Variants in BIRC6 observed in about 807,000 individuals in gnomAD.
BIRC6 encodes dual E2 ubiquitin-conjugating enzyme/E3 ubiquitin-protein ligase BIRC6.
BIRC6 carries 98 observed loss-of-function variants against 503.3 expected under a neutral mutation model. The ratio of observed to expected loss-of-function variants is 0.19; its 90% CI spans 0.17 to 0.23. BIRC6 has a LOEUF of 0.23. BIRC6 is among the 10% of genes least tolerant of loss of function. BIRC6 has a pLI of 1.00. For synonymous variants in BIRC6, 2,240 were observed against 2,078.7 expected (o/e 1.08, Z -2.11); for missense variants, 5,360 against 5,806.0 (o/e 0.92, Z 2.50).
At chr2:32,387,746 G>C (rs547409929) in intron 3 of BIRC6, among the ~76,000 whole-genome samples, 3 of 152,124 alleles carry the variant, frequency 2.0e-5, no homozygotes, top group Non-Finnish European at 4.4e-5. Context: ...TATGGATGGA[G>C]GTATTTGAGT....
At position 32,545,758 on chromosome 2, in the gene BIRC6, G is replaced by C. The variant is rs1313402558; in HGVS notation, c.12708G>C (p.Arg4236=). The C allele has an allele frequency of 6.2e-7, 1 of 1,613,820 alleles. No individual in the cohort carries two copies. Among genetic ancestry groups the C allele is most frequent in the Admixed American group, 1.7e-5 (1 of 60,018 alleles). The change falls in exon 63 of 74, where the codon CGG becomes CGC. Residue 4236 remains arginine (R), a synonymous_variant. Coordinates refer to ENST00000421745, the MANE Select transcript of BIRC6 (RefSeq NM_016252.4). ...CTGATGATGGTGTACTTCTAAGGCG[G>C]ATGGCATTGGAAATTGGAGCCTTAC... ...LTTDDGVLLR[R]MALEIGALHL... is the part of the protein sequence containing the mutation.
In BIRC6 at chr2:32,442,469, T is replaced by G; in HGVS notation, c.4238+14T>G. 6.3e-7 allele frequency: 1 copy of G among 1,586,368 alleles called. No individual in the cohort carries two copies. Among genetic ancestry groups the G allele is most frequent in the Non-Finnish European group, 8.6e-7 (1 of 1,165,928 alleles). On this transcript the variant is annotated intron_variant, in intron 19 of 73. Transcript: ENST00000421745. Reference sequence around the variant, plus strand: ...CTTGTGCATTAGGTTGGTATGTTTTTAAGTTGAAAGCATACTTTCTAGGTA... The same window carrying G: ...CTTGTGCATTAGGTTGGTATGTTTTGAAGTTGAAAGCATACTTTCTAGGTA...
chr2:32,469,517 C>G lies in BIRC6; in HGVS notation c.6250C>G (p.Gln2084Glu), dbSNP rs751950847. ...IRLHTGLLLV[Q>E]LCGGERWWGQ... ...GTTACATACTGGTCTTCTTCTTGTT[C>G]AACTGTGTGGTGGTGAAAGGTGGTG... The change falls in exon 30 of 74, where the codon CAA becomes GAA. Residue 2084 changes from glutamine (Q) to glutamate (E), a missense_variant. Transcript: ENST00000421745. The G allele has an allele frequency of 6.2e-7, 1 of 1,613,890 alleles. No individual in the cohort carries two copies. The highest frequency in any genetic ancestry group is 2.2e-5 in the East Asian group (1 of 44,874).
In BIRC6 at chr2:32,473,137, T is replaced by A; in HGVS notation, c.6618T>A (p.Asn2206Lys). ...LNGNQWSFIN[N>K]NLHTQSLNRS... ...GTAATCAGTGGAGTTTTATTAACAA[T>A]AATCTACACACTCAGAGCTTAAATA... is the stretch of plus-strand genomic sequence containing the variant. Residue 2206 changes from asparagine (N) to lysine (K), a missense_variant, in exon 33 of 74, where the codon AAT (asparagine) becomes AAA (lysine). Physicochemically the swap from Asn to Lys is moderately conservative, Grantham distance 94 (BLOSUM62 0). Coordinates refer to ENST00000421745, the MANE Select transcript of BIRC6 (RefSeq NM_016252.4). 1 of 1,579,070 alleles carries A rather than the reference T, an allele frequency of 6.3e-7. No homozygotes were observed. Among genetic ancestry groups the A allele is most frequent in the Admixed American group, 1.8e-5 (1 of 55,224 alleles).
chr2:32,494,485 C>CG (rs1176731600), intron 45 of BIRC6, among the ~76,000 whole-genome samples: 3 of 151,992 alleles, frequency 2.0e-5, no homozygotes, highest in Non-Finnish European at 4.4e-5. Context: ...CTCAGCCTCC[C>CG]AAAGTGCTGG....
chr2:32,495,466 G>A (rs1458756920), intron 45 of BIRC6, among the ~76,000 whole-genome samples: 1 of 152,110 alleles, frequency 6.6e-6, no homozygotes. Flanking sequence ...TTAGATTAAT[G>A]ATATAATAAT....
chr2:32,431,187 T>A, intron 12 of BIRC6, 97 bp downstream of exon 12: 1 of 385,340 alleles, frequency 2.6e-6, no homozygotes, highest in Non-Finnish European at 4.0e-6. Context: ...TTATCTTTTT[T>A]TTTTTTTTTT....
chr2:32,394,567 C>A (rs1313073708), intron 5 of BIRC6, among the ~76,000 whole-genome samples: 5 of 152,068 alleles, frequency 3.3e-5, no homozygotes, highest in African/African-American at 9.7e-5. Flanking sequence ...TGCAGTGGCT[C>A]ACACTTGTAA....
chr2:32,360,626 C>T (rs778923376), intron 1 of BIRC6, among the ~76,000 whole-genome samples: 6 of 152,154 alleles, frequency 3.9e-5, no homozygotes, highest in Non-Finnish European at 7.3e-5. Context: ...AGACCTAGAG[C>T]GTATCTTAAC....
chr2:32,368,790 T>C (rs1446794801), intron 1 of BIRC6, among the ~76,000 whole-genome samples: 1 of 152,088 alleles, frequency 6.6e-6, no homozygotes, highest in African/African-American at 2.4e-5. Flanking sequence ...CAGCTGGGAT[T>C]ACAGGTGTGT....
chr2:32,434,128 A>G (rs2044425676), intron 13 of BIRC6, among the ~76,000 whole-genome samples: 1 of 152,202 alleles, frequency 6.6e-6, no homozygotes, highest in Admixed American at 6.5e-5. Context: ...TTAATTGTGA[A>G]TAGAACTGTT....
At chr2:32,425,002 A>C (rs2147788817) in intron 10 of BIRC6, among the ~76,000 whole-genome samples, 1 of 151,970 alleles carries the variant, frequency 6.6e-6, no homozygotes, top group African/African-American at 2.4e-5. Context: ...TTTCCTAATG[A>C]TTAGTGATGT....
In BIRC6 at chr2:32,584,528, G is replaced by A. The variant is rs534767590; in HGVS notation, c.13355+9162G>A. ...AGCCTGGGCTACAGAATGATACTCCGTCTCAAAAATAAATAAATAAATAAA... is the reference window on the plus strand; with the variant it reads ...AGCCTGGGCTACAGAATGATACTCCATCTCAAAAATAAATAAATAAATAAA... On this transcript the variant is annotated intron_variant, in intron 66 of 73. Transcript: ENST00000421745. Among the ~76,000 whole-genome samples, 10 of 152,118 alleles carry A rather than the reference G, an allele frequency of 6.6e-5. No homozygotes were observed. The South Asian group carries it at 1.2e-3, about 19-fold the overall frequency.
chr2:32,399,095 A>T (rs902709241), intron 6 of BIRC6, among the ~76,000 whole-genome samples: 10 of 151,836 alleles, frequency 6.6e-5, no homozygotes, highest in Admixed American at 2.6e-4. Context: ...TTATTTATTT[A>T]TTTTTTTGGA....
chr2:32,597,463 G>A (rs1349322549), intron 68 of BIRC6, among the ~76,000 whole-genome samples: 1 of 151,940 alleles, frequency 6.6e-6, no homozygotes, highest in Admixed American at 6.6e-5. Context: ...TTTCCCACTG[G>A]GCATAGTAAT....
chr2:32,406,036 C>G (rs1388292694), intron 8 of BIRC6, among the ~76,000 whole-genome samples: 6 of 152,102 alleles, frequency 3.9e-5, no homozygotes, highest in African/African-American at 1.4e-4. Context: ...TCAAACTACT[C>G]TTTATATATC....
rs766879211 is a variant in BIRC6, at chr2:32,435,572, A to G, written c.3486A>G (p.Val1162=). Residue 1162 remains valine (V), a synonymous_variant, in exon 14 of 74, where the codon GTA becomes GTG. Coordinates refer to ENST00000421745, the MANE Select transcript of BIRC6 (RefSeq NM_016252.4). ...DLNEEMQHMD[V]EESQCLRLCP... is the part of the protein sequence containing the mutation. ...ATGAAGAAATGCAGCACATGGATGT[A>G]GAGGAATCACAGTGTGAGTTAAATT... 9 of 1,553,456 alleles carry G rather than the reference A, an allele frequency of 5.8e-6. No homozygotes were observed. The highest frequency in any genetic ancestry group is 7.0e-6 in the Non-Finnish European group (8 of 1,147,738).
intron 62 of BIRC6, 127 bp downstream of exon 62, chr2:32,543,668 A>C (rs2057840504): frequency 1.1e-6 from 1 of 872,976 alleles, no homozygotes; most frequent in African/African-American, 1.7e-5. Context: ...TGTAAGTGGT[A>C]GCTCACTTCC....
intron 37 of BIRC6, 27 bp from the exon 38 acceptor site, chr2:32,481,293 A>G (rs2050374968): frequency 2.0e-6 from 3 of 1,530,724 alleles, no homozygotes; most frequent in Non-Finnish European, 2.6e-6. Context: ...ACACTCCACC[A>G]ATAAGATCAC....
Sources: allele counts gnomAD v4.1 joint callset (sites outside exome capture counted in the v4.1 genomes callset), GRCh38; gene constraint gnomAD v4.1.1; transcripts MANE v1.5; gene names NCBI Gene and HGNC (gene_info 2026-07-23, HGNC 2026-07-21).